HS6ST3: variants seen among roughly 807,000 people sequenced by gnomAD.
HS6ST3 encodes the protein heparan sulfate 6-O-sulfotransferase 3.
A neutral mutation model predicts 36.7 loss-of-function variants in HS6ST3; 12 were observed. The ratio of observed to expected loss-of-function variants is 0.33; its 90% CI spans 0.21 to 0.53. The LOEUF (loss-of-function observed/expected upper bound fraction) is 0.53, where lower values mean the gene tolerates loss of function less well. Ranked by LOEUF, HS6ST3 falls within the 20% of genes least tolerant of loss-of-function variation. The pLI is 0.95. For synonymous variants in HS6ST3, 240 were observed against 257.5 expected, an observed-to-expected ratio of 0.93 and a Z score of 0.65; for missense variants, 584 against 640.9, an observed-to-expected ratio of 0.91 and a Z score of 0.96.
chr13:96,720,057 C>G (rs1315818775), intron 1 of HS6ST3, among the ~76,000 whole-genome samples: 1 of 152,116 alleles, frequency 6.6e-6, no homozygotes, highest in Non-Finnish European at 1.5e-5. Flanking sequence ...TATGTCTCAT[C>G]TTTGTTTCCC....
At chr13:96,556,014 A>T (rs1171898968) in intron 1 of HS6ST3, among the ~76,000 whole-genome samples, 5 of 152,202 alleles carry the variant, frequency 3.3e-5, no homozygotes, top group Non-Finnish European at 7.3e-5. Flanking sequence ...AGCATCATAG[A>T]TCATTGTATC....
chr13:96,769,412 C>A (rs1877201017), intron 1 of HS6ST3, among the ~76,000 whole-genome samples: 1 of 150,200 alleles, frequency 6.7e-6, no homozygotes. Flanking sequence ...CGTCATCTAG[C>A]ATTAGGTATA....
chr13:96,219,742 G>C (rs895679924), intron 1 of HS6ST3, among the ~76,000 whole-genome samples: 1 of 151,892 alleles, frequency 6.6e-6, no homozygotes, highest in African/African-American at 2.4e-5. Flanking sequence ...GGAGTGCAGT[G>C]GCGTGATCTT....
chr13:96,518,114 C>T (rs1209361126), intron 1 of HS6ST3, among the ~76,000 whole-genome samples: 1 of 152,114 alleles, frequency 6.6e-6, no homozygotes, highest in African/African-American at 2.4e-5. Flanking sequence ...GAATAGAAAG[C>T]CATGCACCTT....
At chr13:96,429,443 A>G (rs1466141417) in intron 1 of HS6ST3, among the ~76,000 whole-genome samples, 3 of 152,140 alleles carry the variant, frequency 2.0e-5, no homozygotes, top group African/African-American at 7.2e-5. Flanking sequence ...TTTTTGGGGG[A>G]GTTAACTGAG....
intron 1 of HS6ST3, among the ~76,000 whole-genome samples, chr13:96,741,667 C>T (rs1594849695): frequency 6.6e-6 from 1 of 152,124 alleles, no homozygotes; most frequent in Non-Finnish European, 1.5e-5. Flanking sequence ...ACAAGCTTTA[C>T]CCTGTGACTT....
intron 1 of HS6ST3, among the ~76,000 whole-genome samples, chr13:96,785,199 A>G (rs1877619603): frequency 6.6e-6 from 1 of 152,038 alleles, no homozygotes; most frequent in African/African-American, 2.4e-5. Flanking sequence ...TTGAATTTTG[A>G]TGATGTGACT....
intron 1 of HS6ST3, among the ~76,000 whole-genome samples, chr13:96,535,244 G>T (rs1391979758): frequency 7.9e-5 from 12 of 152,012 alleles, no homozygotes. Flanking sequence ...TATTCTATAG[G>T]TATGCGTGGA....
intron 1 of HS6ST3, among the ~76,000 whole-genome samples, chr13:96,385,578 C>G (rs2055363509): frequency 6.6e-6 from 1 of 152,156 alleles, no homozygotes; most frequent in African/African-American, 2.4e-5. Flanking sequence ...TACCTGCCCA[C>G]TACAGATATT....
chr13:96,648,041 A>C (rs1412657764), intron 1 of HS6ST3, among the ~76,000 whole-genome samples: 1 of 152,044 alleles, frequency 6.6e-6, no homozygotes, highest in African/African-American at 2.4e-5. Context: ...ATATTTCATA[A>C]GTTTAGTGTT....
At chr13:96,459,100 T>TAAAAAAAAAAAA (rs747439262) in intron 1 of HS6ST3, among the ~76,000 whole-genome samples, 16 of 63,886 alleles carry the variant, frequency 2.5e-4, no homozygotes, top group African/African-American at 7.2e-4. Flanking sequence ...CAAGACTGTC[T>TAAAAAAAAAAAA]AAAAAAAAAA....
intron 1 of HS6ST3, among the ~76,000 whole-genome samples, chr13:96,290,506 G>A (rs890882958): frequency 6.6e-6 from 1 of 152,118 alleles, no homozygotes; most frequent in Non-Finnish European, 1.5e-5. Flanking sequence ...GAGGATTGGA[G>A]CCAAGAACTG....
At chr13:96,188,419 G>A (rs1226635320) in intron 1 of HS6ST3, among the ~76,000 whole-genome samples, 3 of 143,024 alleles carry the variant, frequency 2.1e-5, no homozygotes, top group East Asian at 4.1e-4. Flanking sequence ...GTTCAAGATC[G>A]GCCTGAGCAA....
At chr13:96,658,268 C>CTTCTTTTTTTGTTTTTTTTTTTTT (rs1566422902) in intron 1 of HS6ST3, among the ~76,000 whole-genome samples, 1 of 76,190 alleles carries the variant, frequency 1.3e-5, no homozygotes, top group Non-Finnish European at 2.4e-5. Context: ...TCTTCTTCTT[C>CTTCTTTTTTTGTTTTTTTTTTTTT]TTTTTTTTTT....
intron 1 of HS6ST3, among the ~76,000 whole-genome samples, chr13:96,352,555 A>ACG (rs2055188931): frequency 6.6e-6 from 1 of 152,212 alleles, no homozygotes; most frequent in African/African-American, 2.4e-5. Flanking sequence ...AATGCCACAC[A>ACG]TAATCATTTT....
chr13:96,779,631 A>G (rs995588707), intron 1 of HS6ST3, among the ~76,000 whole-genome samples: 2 of 152,156 alleles, frequency 1.3e-5, no homozygotes, highest in Non-Finnish European at 2.9e-5. Context: ...AAAGAGATTC[A>G]AGGTGGAAAC....
chr13:96,761,837 G>A (rs1406522606), intron 1 of HS6ST3, among the ~76,000 whole-genome samples: 2 of 151,988 alleles, frequency 1.3e-5, no homozygotes, highest in East Asian at 3.9e-4. Flanking sequence ...ATTCATTTTA[G>A]GCCATTTTAT....
chr13:96,556,929 G>A (rs1360750861), intron 1 of HS6ST3, among the ~76,000 whole-genome samples: 1 of 152,118 alleles, frequency 6.6e-6, no homozygotes, highest in Non-Finnish European at 1.5e-5. Context: ...ATTTTTGTCA[G>A]CAGCAGCAGC....
At chr13:96,622,834 A>G (rs1464647375) in intron 1 of HS6ST3, among the ~76,000 whole-genome samples, 1 of 152,086 alleles carries the variant, frequency 6.6e-6, no homozygotes, top group Non-Finnish European at 1.5e-5. Context: ...TTCTGTCTTC[A>G]TATGGTTGTT....
Sources: allele counts gnomAD v4.1 joint callset (sites outside exome capture counted in the v4.1 genomes callset), GRCh38; gene constraint gnomAD v4.1.1; transcripts MANE v1.5; gene names NCBI Gene and HGNC (gene_info 2026-07-23, HGNC 2026-07-21).